The following NFIB variants were observed in gnomAD, a reference collection of about 807,000 sequenced individuals.
The protein encoded by NFIB is nuclear factor 1 B-type.
NFIB carries 11 observed loss-of-function variants against 61.5 expected under a neutral mutation model. That is an observed-to-expected ratio of 0.18 (90% CI 0.11 to 0.30). NFIB has a LOEUF of 0.30. NFIB is among the 10% of genes least tolerant of loss of function. The probability of loss-of-function intolerance (pLI) is 1.00; values close to 1 mark genes in which losing one functional copy is unlikely to be tolerated. For missense variants in NFIB, 471 were observed against 608.9 expected (o/e 0.77, Z 2.38); for synonymous variants, 260 against 216.5 (o/e 1.20, Z -1.76).
chr9:14,154,519 A>C (rs1336897013), intron 4 of NFIB, among the ~76,000 whole-genome samples: 2 of 152,144 alleles, frequency 1.3e-5, no homozygotes, highest in African/African-American at 4.8e-5. Context: ...TGGATATCAC[A>C]TATTGATCTG....
the NFIB span, among the ~76,000 whole-genome samples, chr9:14,517,737 T>A: frequency 6.6e-6 from 1 of 152,152 alleles, no homozygotes; most frequent in African/African-American, 2.4e-5. Flanking sequence ...TTGGTGTGGA[T>A]TTTTTTCTGC....
At chr9:14,369,494 T>A (rs746283886) in intron 1 of NFIB, among the ~76,000 whole-genome samples, 2 of 152,094 alleles carry the variant, frequency 1.3e-5, no homozygotes, top group Non-Finnish European at 2.9e-5. Context: ...TCTGGGTAGA[T>A]CTACCTACCA....
intron 2 of NFIB, among the ~76,000 whole-genome samples, chr9:14,241,652 T>C (rs946732286): frequency 5.9e-5 from 9 of 152,158 alleles, no homozygotes; most frequent in Non-Finnish European, 1.3e-4. Flanking sequence ...TGTAGATACA[T>C]AAGCTACTTT....
intron 1 of NFIB, among the ~76,000 whole-genome samples, chr9:14,356,021 G>A (rs1476251055): frequency 6.6e-6 from 1 of 151,458 alleles, no homozygotes; most frequent in East Asian, 1.9e-4. Context: ...TTTCAACAAC[G>A]GGCTTGCATT....
chr9:14,307,266 G>T lies in NFIB; in HGVS notation c.285C>A (p.Thr95=). 1 of 1,613,946 alleles carries T rather than the reference G, an allele frequency of 6.2e-7. No homozygotes were observed. The highest frequency in any genetic ancestry group is 8.5e-7 in the Non-Finnish European group (1 of 1,180,026). The change falls in exon 2 of 11, where the codon ACC becomes ACA. Residue 95 remains threonine (T), a synonymous_variant. Coordinates refer to ENST00000380953, the MANE Select transcript of NFIB (RefSeq NM_001190737.2). The surrounding 1 kb of genome is among the most constrained non-coding windows in gnomAD (Gnocchi z 5.3). ...AGCACGGGTGCTTCTTGCCAGTCAC[G>T]GTGAGCACAAAGTCCTCTCGATACT... is the stretch of plus-strand genomic sequence containing the variant. ...RQEYREDFVL[T]VTGKKHPCCV... is the part of the protein sequence containing the mutation.
chr9:14,315,551 C>CGGCG (rs1313408443), upstream of NFIB, among the ~76,000 whole-genome samples: 1 of 142,776 alleles, frequency 7.0e-6, no homozygotes, highest in Non-Finnish European at 1.6e-5. Context: ...CGGGGCGGGC[C>CGGCG]GGCGGGCGCG....
chr9:14,334,016 T>C (rs532302292), intron 1 of NFIB, among the ~76,000 whole-genome samples: 4 of 152,348 alleles, frequency 2.6e-5, no homozygotes, highest in African/African-American at 9.6e-5. Flanking sequence ...TCATGTGACA[T>C]TCCTCTCTGC....
the NFIB span, among the ~76,000 whole-genome samples, chr9:14,513,498 C>A: frequency 6.6e-6 from 1 of 151,960 alleles, no homozygotes. Flanking sequence ...TGTGGTAGCG[C>A]ATGCCTGTAA....
At chr9:14,202,929 ATTTC>A (rs2049213704) in intron 2 of NFIB, among the ~76,000 whole-genome samples, 1 of 152,212 alleles carries the variant, frequency 6.6e-6, no homozygotes, top group African/African-American at 2.4e-5. Context: ...ATAGAAAATT[ATTTC>A]TTTCACTCCA....
intron 2 of NFIB, among the ~76,000 whole-genome samples, chr9:14,279,075 C>T (rs928824904): frequency 5.3e-5 from 8 of 151,992 alleles, no homozygotes; most frequent in African/African-American, 1.7e-4. Context: ...GAGAGAGAGA[C>T]GGACACAGAG....
intron 2 of NFIB, chr9:14,305,916 T>A: frequency 8.2e-7 from 1 of 1,220,654 alleles, no homozygotes; most frequent in South Asian, 2.5e-5. Flanking sequence ...TTCAGTCTAC[T>A]TTTGGTATGC....
At chr9:14,176,200 T>A (rs1452056164) in intron 3 of NFIB, among the ~76,000 whole-genome samples, 7 of 151,766 alleles carry the variant, frequency 4.6e-5, no homozygotes, top group Non-Finnish European at 1.0e-4. Context: ...AAGAGTTGTT[T>A]GCTATAACCA....
intron 1 of NFIB, chr9:14,321,895 A>G (rs947784226): frequency 3.2e-6 from 4 of 1,231,648 alleles, no homozygotes; most frequent in Non-Finnish European, 4.0e-6. Context: ...GGTGCAAAGA[A>G]CGAATAAAAG....
the NFIB span, among the ~76,000 whole-genome samples, chr9:14,439,240 C>T: frequency 2.6e-5 from 4 of 152,114 alleles, no homozygotes; most frequent in African/African-American, 9.7e-5. Flanking sequence ...CATGGTAGCA[C>T]AGGCCTGTAG....
Position 14,326,881 on chromosome 9 carries a change from AAAAAT to A in NFIB, c.109-19366_109-19362del, listed in dbSNP as rs543115183. The stretch of plus-strand genomic sequence containing the variant: ...GCCTATTTATGTTTTTAAGACTTAT[AAAAAT>A]ACTATGAGCAATTAATCTTCCTATC... On this transcript the variant is annotated intron_variant, in intron 1 of 8. Coordinates refer to the NFIB transcript ENST00000380934. 2.4e-3 allele frequency among the ~76,000 whole-genome samples: 368 copies of A among 152,298 alleles called. 4 individuals are homozygous for A. The highest frequency in any genetic ancestry group is 0.014 in the Admixed American group (209 of 15,300).
chr9:14,209,873 C>T (rs537259983), intron 2 of NFIB, among the ~76,000 whole-genome samples: 1 of 150,322 alleles, frequency 6.7e-6, no homozygotes, highest in African/African-American at 2.5e-5. Flanking sequence ...ACTAGAACTG[C>T]TTTTCCTGAT....
At chr9:14,407,004 T>A in the NFIB span, among the ~76,000 whole-genome samples, 3 of 152,202 alleles carry the variant, frequency 2.0e-5, no homozygotes. Context: ...AAATTAATAG[T>A]AGGGCTGCCT....
chr9:14,270,558 G>C (rs183297476), intron 2 of NFIB, among the ~76,000 whole-genome samples: 74 of 104,728 alleles, frequency 7.1e-4, no homozygotes, highest in African/African-American at 2.6e-3. Context: ...TGAGAGATGA[G>C]TTCTAAAAAG....
At chr9:14,432,959 T>C in the NFIB span, among the ~76,000 whole-genome samples, 1 of 152,240 alleles carries the variant, frequency 6.6e-6, no homozygotes, top group Admixed American at 6.5e-5. Context: ...TTCTAGTTTG[T>C]GCACATATTT....
Sources: allele counts gnomAD v4.1 joint callset (sites outside exome capture counted in the v4.1 genomes callset), GRCh38; gene constraint gnomAD v4.1.1; non-coding constraint Gnocchi (gnomAD v3.1); transcripts MANE v1.5; gene names NCBI Gene and HGNC (gene_info 2026-07-23, HGNC 2026-07-21).